FANCA: variants seen among roughly 807,000 people sequenced by gnomAD.
FANCA encodes Fanconi anemia group A protein.
Under a neutral mutation model 194.3 loss-of-function variants are expected in FANCA, and 236 were observed. The ratio of observed to expected loss-of-function variants is 1.21; its 90% CI spans 1.09 to 1.35. The LOEUF is 1.35. FANCA is among the 40% of genes most tolerant of loss of function. The probability of loss-of-function intolerance (pLI) is 0.00; values close to 1 mark genes in which losing one functional copy is unlikely to be tolerated. For missense variants in FANCA, 2,628 were observed against 1,813.9 expected (o/e 1.45, Z -8.15); for synonymous variants, 1,014 against 715.8 (o/e 1.42, Z -6.65).
intron 8 of FANCA, among the ~76,000 whole-genome samples, chr16:89,802,150 G>A (rs17232372): frequency 1.3e-5 from 2 of 152,076 alleles, no homozygotes; most frequent in Non-Finnish European, 2.9e-5. Context: ...TGTCACCCAG[G>A]CTAGAGTGCA....
chr16:89,814,343 C>T (rs1039097329), intron 3 of FANCA, among the ~76,000 whole-genome samples, 177 bp downstream of exon 3: 9 of 152,172 alleles, frequency 5.9e-5, no homozygotes, highest in Non-Finnish European at 1.2e-4. Context: ...TTAAACACAG[C>T]ATCGTAAGAA....
intron 12 of FANCA, 108 bp downstream of exon 12, chr16:89,792,363 C>A: frequency 8.2e-7 from 1 of 1,223,274 alleles, no homozygotes; most frequent in South Asian, 1.2e-5. Context: ...CCAGACATCC[C>A]TGAACCTCTC....
rs1567591125 is a variant in FANCA at position 89,738,678 on chromosome 16, C to G, written c.4291G>C (p.Glu1431Gln). The G allele has an allele frequency of 1.2e-6, 2 of 1,613,980 alleles. No homozygotes were observed. Among genetic ancestry groups the G allele is most frequent in the East Asian group, 4.5e-5 (2 of 44,882 alleles). The change falls in exon 43 of 43, where the codon GAG (glutamate) becomes CAG (glutamine). Residue 1431 changes from glutamate to glutamine, a missense_variant. Coordinates refer to ENST00000389301, the MANE Select transcript of FANCA (RefSeq NM_000135.4). Reference protein sequence around the residue: ...LLADRGDCDPEVSAALQSRQQ... With the variant: ...LLADRGDCDPQVSAALQSRQQ... ...CTGCTCTGGAGGGCGGCGCTCACCT[C>G]TGGGTCGCAGTCCCCACGATCAGCC...
At chr16:89,805,105 T>G (rs565399819) in intron 7 of FANCA, among the ~76,000 whole-genome samples, 175 bp downstream of exon 7, 6 of 152,254 alleles carry the variant, frequency 3.9e-5, no homozygotes, top group African/African-American at 1.4e-4. Flanking sequence ...TATTTCCACA[T>G]CAGTCAAGTA....
chr16:89,798,727 T>C (rs1364149368), intron 10 of FANCA: 3 of 1,336,852 alleles, frequency 2.2e-6, no homozygotes, highest in Non-Finnish European at 2.9e-6. Flanking sequence ...CTGGTGAATC[T>C]GAGCAGGATC....
intron 37 of FANCA, among the ~76,000 whole-genome samples, chr16:89,741,448 C>A (rs1292621916): frequency 6.6e-6 from 1 of 152,242 alleles, no homozygotes; most frequent in African/African-American, 2.4e-5. Flanking sequence ...AAGTTGTGTG[C>A]TGACATGGCA....
Position 89,812,289 on chromosome 16 carries a change from G to T in FANCA, c.284-1218C>A, listed in dbSNP as rs192599344. On this transcript the variant is annotated intron_variant, in intron 3 of 42. Coordinates refer to ENST00000389301, the MANE Select transcript of FANCA (RefSeq NM_000135.4). ...GGAGGCGGAGTTTGCAGTGAGCCGAGATCACGCCACTACACTGCAGTCTGG... is the reference window on the plus strand; with the variant it reads ...GGAGGCGGAGTTTGCAGTGAGCCGATATCACGCCACTACACTGCAGTCTGG... 3.0e-3 allele frequency among the ~76,000 whole-genome samples: 447 copies of T among 150,464 alleles called. 5 individuals carry two copies. Among genetic ancestry groups the T allele is most frequent in the African/African-American group, 0.01 (425 of 40,966 alleles).
chr16:89,816,551 C>T lies in FANCA; in HGVS notation c.65G>A (p.Trp22Ter), dbSNP rs761341952. The T allele has an allele frequency of 3.4e-5, 51 of 1,509,338 alleles. No homozygotes were observed. The highest frequency in any genetic ancestry group is 2.7e-5 in the East Asian group (1 of 37,390). 93.5% of individuals were successfully genotyped at this position (1,509,338 alleles called of 1,614,324 possible). Residue 22 changes from tryptophan to a stop codon, truncating the protein, a stop_gained, in exon 1 of 43, where the codon TGG (tryptophan) becomes TAG (stop). Transcript: ENST00000389301. LOFTEE classifies it high-confidence loss of function. ...CGCCCACCTACCCAGCAGCTCGGCC[C>T]AGGCCCTCCGGCGGCCCCCTGGGTC... ...GQDPGGRRRA[W>*]AELLAGRVKR...
In FANCA at chr16:89,737,622, G is replaced by C. The variant is rs946451720; in HGVS notation, c.*979C>G. The C allele has an allele frequency of 8.6e-7, 1 of 1,158,258 alleles. No homozygotes were observed. Among genetic ancestry groups the C allele is most frequent in the Non-Finnish European group, 1.2e-6 (1 of 848,586 alleles). 71.7% of individuals were successfully genotyped at this position (1,158,258 alleles called of 1,614,324 possible). ...ACACAGCTGATGAAGCCACGTGACAGTGTATAAAGCAGTTTAAAGATCTTA... is the reference window on the plus strand; with the variant it reads ...ACACAGCTGATGAAGCCACGTGACACTGTATAAAGCAGTTTAAAGATCTTA... On this transcript the variant is annotated 3_prime_UTR_variant, in exon 43 of 43. Coordinates refer to ENST00000389301, the MANE Select transcript of FANCA (RefSeq NM_000135.4).
At chr16:89,803,617 T>C (rs981864660) in intron 7 of FANCA, among the ~76,000 whole-genome samples, 1 of 136,758 alleles carries the variant, frequency 7.3e-6, no homozygotes, top group Non-Finnish European at 1.5e-5. Flanking sequence ...TATAGTCAGA[T>C]TTTTTTCTTT....
intron 31 of FANCA, among the ~76,000 whole-genome samples, chr16:89,750,496 CA>C (rs1245082366): frequency 1.6e-5 from 2 of 124,534 alleles, no homozygotes; most frequent in African/African-American, 5.9e-5. Context: ...AAAAAACAAA[CA>C]AAAAAAAACA....
At chr16:89,761,864 G>C (rs2038964105) in intron 29 of FANCA, 85 bp downstream of exon 29, 5 of 1,066,820 alleles carry the variant, frequency 4.7e-6, no homozygotes, top group African/African-American at 1.6e-5. Context: ...GGATTCAAGA[G>C]ATCTCCTGCC....
chr16:89,767,031 T>A, intron 27 of FANCA, 110 bp downstream of exon 27: 1 of 881,196 alleles, frequency 1.1e-6, no homozygotes, highest in South Asian at 1.3e-5. Flanking sequence ...ACCCAGGAGC[T>A]GCCCCTGAGA....
At chr16:89,799,024 A>C (rs1567641561) in intron 10 of FANCA, 142 bp downstream of exon 10, 2 of 1,614,098 alleles carry the variant, frequency 1.2e-6, no homozygotes, top group Non-Finnish European at 1.7e-6. Flanking sequence ...CCTCCTCCTC[A>C]CGCACGTTAT....
Position 89,783,192 on chromosome 16 carries a change from G to A in FANCA, c.1471-90C>T, listed in dbSNP as rs2143462260. The A allele has an allele frequency of 1.9e-5, 17 of 912,532 alleles. No homozygotes were observed. The South Asian group carries it at 2.3e-4, about 12-fold the overall frequency. The allele number at this position is 912,532 out of a possible 1,614,324, so 56.5% of individuals were successfully genotyped here. A position where few individuals can be genotyped will look rare whatever the true frequency, so the allele number is the denominator to read the frequency against. On this transcript the variant is annotated intron_variant, in intron 15 of 42. Coordinates refer to ENST00000389301, the MANE Select transcript of FANCA (RefSeq NM_000135.4). ...ACAATTCACTTCCAACATCCACAGT[G>A]CTGAGTAGAGAAACACAGCCCTTTA...
chr16:89,805,359 G>A lies in FANCA; in HGVS notation c.630C>T (p.Leu210=), dbSNP rs781089592. 17 of 1,613,912 alleles carry A rather than the reference G, an allele frequency of 1.1e-5. No homozygotes were observed. Among genetic ancestry groups the A allele is most frequent in the African/African-American group, 1.3e-5 (1 of 74,926 alleles). Residue 210 remains leucine, a synonymous_variant, in exon 7 of 43, where the codon CTC becomes CTT. Transcript: ENST00000389301. ...CACAAAGGCAGCACAGATTCCTGAA[G>A]AGCCACGATCCCACAGCATGCATGT... is the stretch of plus-strand genomic sequence containing the variant. ...HPDMHAVGSW[L]FRNLCCLCEQ...
intron 29 of FANCA, among the ~76,000 whole-genome samples, chr16:89,761,698 C>T (rs1005281272): frequency 2.6e-5 from 4 of 152,224 alleles, no homozygotes; most frequent in African/African-American, 4.8e-5. Context: ...GATCTCAGCT[C>T]GCTGCAGCCT....
Position 89,771,798 on chromosome 16 carries a change from C to T in FANCA, c.2031G>A (p.Val677=). Residue 677 remains valine (V), a synonymous_variant, in exon 23 of 43, where the codon GTG becomes GTA. Coordinates refer to ENST00000389301, the MANE Select transcript of FANCA (RefSeq NM_000135.4). ...CCCTCAGTCTTTCAGAAATCACTGCCACCTGTGCCGATATAACTGCGAAGG... is the reference window on the plus strand; with the variant it reads ...CCCTCAGTCTTTCAGAAATCACTGCTACCTGTGCCGATATAACTGCGAAGG... ...PSQRDVISAQ[V]AVISERLRAV... is the part of the protein sequence containing the mutation. 3 of 1,613,970 alleles carry T rather than the reference C, an allele frequency of 1.9e-6. No homozygotes were observed. In the South Asian group the frequency reaches 3.3e-5, roughly 18 times the overall value.
chr16:89,758,507 A>C (rs2038835898), intron 30 of FANCA, 70 bp downstream of exon 30: 1 of 1,585,432 alleles, frequency 6.3e-7, no homozygotes, highest in Middle Eastern at 1.7e-4. Context: ...CATGGCCAGA[A>C]ACTCCCCTTT....
Sources: gnomAD v4.1 joint callset for allele counts (sites outside exome capture counted in the v4.1 genomes callset) on GRCh38, gnomAD v4.1.1 for gene constraint, MANE v1.5 for transcripts, NCBI Gene and HGNC (gene_info 2026-07-23, HGNC 2026-07-21) for gene names.